The following AGMO variants were observed in gnomAD, a reference collection of about 807,000 sequenced individuals.
AGMO encodes the protein glyceryl-ether monooxygenase.
A neutral mutation model predicts 60.2 loss-of-function variants in AGMO; 75 were observed. The observed-to-expected ratio is 1.25, with a 90% CI of 1.03 to 1.51. The LOEUF (loss-of-function observed/expected upper bound fraction) is 1.51, where lower values mean the gene tolerates loss of function less well. Ranked by LOEUF, AGMO falls within the 40% of genes most tolerant of loss-of-function variation. AGMO has a pLI of 0.00. For missense variants in AGMO, 763 were observed against 525.5 expected (o/e 1.45, Z -4.42); for synonymous variants, 261 against 177.1 (o/e 1.47, Z -3.76).
At chr7:15,472,021 T>G (rs1782460628) in intron 3 of AGMO, among the ~76,000 whole-genome samples, 1 of 151,904 alleles carries the variant, frequency 6.6e-6, no homozygotes, top group Non-Finnish European at 1.5e-5. Flanking sequence ...GAGCCTAATA[T>G]TGAGTGATAC....
chr7:15,238,155 C>A (rs941804099), intron 12 of AGMO, among the ~76,000 whole-genome samples: 8 of 151,714 alleles, frequency 5.3e-5, no homozygotes, highest in African/African-American at 1.9e-4. Flanking sequence ...GTAGTATTGA[C>A]CCTTATATCA....
chr7:15,238,081 C>CAGGAATTGTAAATAGTGAA (rs1399512027), intron 12 of AGMO, among the ~76,000 whole-genome samples: 1 of 151,976 alleles, frequency 6.6e-6, no homozygotes, highest in African/African-American at 2.4e-5. Context: ...TAATTTTCCC[C>CAGGAATTGTAAATAGTGAA]AGCATTTAAA....
At chr7:15,231,354 C>T (rs183914104) in intron 12 of AGMO, among the ~76,000 whole-genome samples, 5 of 152,278 alleles carry the variant, frequency 3.3e-5, no homozygotes, top group Admixed American at 3.3e-4. Flanking sequence ...ATACTTATCT[C>T]TCACTTCCCC....
In AGMO at chr7:15,275,435, T is replaced by G. The variant is rs576450024; in HGVS notation, c.1264-74076A>C. 7.9e-5 allele frequency among the ~76,000 whole-genome samples: 12 copies of G among 152,262 alleles called. No individual in the cohort carries two copies. In the East Asian group the frequency reaches 2.3e-3, roughly 29 times the overall value. Reference sequence around the variant, plus strand: ...TATAATTTCAGTTTTTTTAATTGATTGAGATTTGCTTAAGGGTCAACTTAA... The same window carrying G: ...TATAATTTCAGTTTTTTTAATTGATGGAGATTTGCTTAAGGGTCAACTTAA... On this transcript the variant is annotated intron_variant, in intron 12 of 12. Transcript: ENST00000342526.
chr7:15,486,982 C>T (rs559893555), intron 3 of AGMO, among the ~76,000 whole-genome samples: 2 of 152,262 alleles, frequency 1.3e-5, no homozygotes, highest in African/African-American at 4.8e-5. Flanking sequence ...ATCCTCCACC[C>T]CTTCATCCCT....
intron 12 of AGMO, among the ~76,000 whole-genome samples, chr7:15,271,315 C>A (rs1583348618): frequency 6.6e-6 from 1 of 151,856 alleles, no homozygotes; most frequent in South Asian, 2.1e-4. Flanking sequence ...GATATTTTTC[C>A]ATTTGTTTAT....
At chr7:15,493,362 CT>C (rs1382289490) in intron 3 of AGMO, among the ~76,000 whole-genome samples, 3 of 102,260 alleles carry the variant, frequency 2.9e-5, no homozygotes, top group Non-Finnish European at 5.5e-5. Context: ...CACACACACA[CT>C]TCTTTTTTTT....
At chr7:15,498,218 TG>T (rs1198902054) in intron 3 of AGMO, among the ~76,000 whole-genome samples, 1 of 152,050 alleles carries the variant, frequency 6.6e-6, no homozygotes, top group Non-Finnish European at 1.5e-5. Context: ...TACAATTACT[TG>T]GCACACAAAT....
intron 12 of AGMO, among the ~76,000 whole-genome samples, chr7:15,283,745 CA>C (rs1784028257): frequency 6.6e-6 from 1 of 151,980 alleles, no homozygotes; most frequent in Admixed American, 6.6e-5. Context: ...GAGATGTTTA[CA>C]GAAAATTCTA....
At chr7:15,405,543 C>T (rs1458510200) in intron 5 of AGMO, among the ~76,000 whole-genome samples, 3 of 151,892 alleles carry the variant, frequency 2.0e-5, no homozygotes, top group African/African-American at 7.2e-5. Flanking sequence ...ATGCAGGTGA[C>T]CCTACCCTTG....
intron 12 of AGMO, among the ~76,000 whole-genome samples, chr7:15,341,971 A>G (rs1397864026): frequency 6.6e-6 from 1 of 151,932 alleles, no homozygotes; most frequent in Non-Finnish European, 1.5e-5. Flanking sequence ...GCACGTAGGG[A>G]TAATGGGAGT....
the AGMO span, among the ~76,000 whole-genome samples, chr7:15,167,064 T>C: frequency 6.6e-6 from 1 of 152,162 alleles, no homozygotes; most frequent in African/African-American, 2.4e-5. Context: ...CATTCTAAAT[T>C]TCATCAATAA....
At chr7:15,534,125 G>T (rs1784430211) in intron 3 of AGMO, among the ~76,000 whole-genome samples, 1 of 151,878 alleles carries the variant, frequency 6.6e-6, no homozygotes, top group Non-Finnish European at 1.5e-5. Context: ...CGTAAGAGAA[G>T]AAAGAACAAA....
the AGMO span, among the ~76,000 whole-genome samples, chr7:15,133,053 C>T: frequency 6.6e-6 from 1 of 152,134 alleles, no homozygotes; most frequent in Non-Finnish European, 1.5e-5. Flanking sequence ...ATATGGTAAG[C>T]AATTACATTT....
chr7:15,228,063 A>G (rs1008886685), intron 12 of AGMO, among the ~76,000 whole-genome samples: 3 of 152,118 alleles, frequency 2.0e-5, no homozygotes, highest in Non-Finnish European at 4.4e-5. Context: ...TTATTCATGC[A>G]TATAAACTCT....
chr7:15,353,291 A>C (rs1421159231), intron 12 of AGMO, among the ~76,000 whole-genome samples: 1 of 152,198 alleles, frequency 6.6e-6, no homozygotes, highest in Non-Finnish European at 1.5e-5. Context: ...ACAGGGTGGA[A>C]ACTGGTTCCT....
intron 12 of AGMO, among the ~76,000 whole-genome samples, chr7:15,218,968 T>C (rs1781832833): frequency 6.6e-6 from 1 of 152,136 alleles, no homozygotes; most frequent in Non-Finnish European, 1.5e-5. Flanking sequence ...ATAATAAAAG[T>C]TAAAATATGT....
chr7:15,312,555 G>C (rs1247847378), intron 12 of AGMO, among the ~76,000 whole-genome samples: 1 of 106,486 alleles, frequency 9.4e-6, no homozygotes, highest in Non-Finnish European at 2.0e-5. Context: ...GTGGGGGGAG[G>C]TTATCAGGGG....
intron 10 of AGMO, among the ~76,000 whole-genome samples, chr7:15,376,467 G>C (rs1284222286): frequency 6.6e-6 from 1 of 152,008 alleles, no homozygotes; most frequent in African/African-American, 2.4e-5. Flanking sequence ...ATGTTTTACA[G>C]AGTATGGCAT....
Sources: allele counts gnomAD v4.1 joint callset (sites outside exome capture counted in the v4.1 genomes callset), GRCh38; gene constraint gnomAD v4.1.1; transcripts MANE v1.5; gene names NCBI Gene and HGNC (gene_info 2026-07-23, HGNC 2026-07-21).